Variants in YJU2 observed in about 807,000 individuals in gnomAD.
YJU2 encodes the protein YJU2 splicing factor homolog, also known as splicing factor YJU2.
YJU2 carries 28 observed loss-of-function variants against 39.6 expected under a neutral mutation model. The observed-to-expected ratio is 0.71, with a 90% CI of 0.52 to 0.97. YJU2 has a LOEUF of 0.97. Ranked by LOEUF, YJU2 falls within the 50% of genes least tolerant of loss-of-function variation. YJU2 has a pLI of 0.00. For synonymous variants in YJU2, 184 were observed against 182.4 expected, an observed-to-expected ratio of 1.01 and a Z score of -0.07; for missense variants, 328 against 430.4, an observed-to-expected ratio of 0.76 and a Z score of 2.11.
chr19:4,254,036 C>G (rs1323339747), intron 3 of YJU2, among the ~76,000 whole-genome samples: 3 of 152,122 alleles, frequency 2.0e-5, no homozygotes, highest in Admixed American at 6.6e-5. Context: ...TCTTGAATAC[C>G]TGACCTCCAG....
At chr19:4,258,195 G>A (rs1293456909) in intron 4 of YJU2, 47 bp from the exon 5 acceptor site, 40 of 1,539,506 alleles carry the variant, frequency 2.6e-5, no homozygotes, top group Middle Eastern at 1.8e-4. Flanking sequence ...GGTTTGCCCC[G>A]TGGTGCGATC....
chr19:4,251,886 C>T (rs1289234698), intron 3 of YJU2, among the ~76,000 whole-genome samples: 1 of 151,802 alleles, frequency 6.6e-6, no homozygotes, highest in African/African-American at 2.4e-5. Flanking sequence ...ACTTGGGAGA[C>T]CAAAGCAGGA....
At chr19:4,250,834 G>A (rs1970970152) in intron 2 of YJU2, among the ~76,000 whole-genome samples, 193 bp from the exon 3 acceptor site, 1 of 152,150 alleles carries the variant, frequency 6.6e-6, no homozygotes. Flanking sequence ...GCCCCAGGAA[G>A]ATATGAATGA....
intron 5 of YJU2, among the ~76,000 whole-genome samples, 183 bp from the exon 6 acceptor site, chr19:4,261,811 G>C (rs1017098683): frequency 1.3e-5 from 2 of 151,866 alleles, no homozygotes; most frequent in Non-Finnish European, 2.9e-5. Context: ...CTGAGTGACA[G>C]AGTGAGACCT....
intron 4 of YJU2, among the ~76,000 whole-genome samples, chr19:4,255,593 G>A (rs1971013003): frequency 6.6e-6 from 1 of 151,984 alleles, no homozygotes; most frequent in African/African-American, 2.4e-5. Flanking sequence ...GCCGGGCATG[G>A]TGGCAGACAC....
At chr19:4,264,632 G>A (rs994988012) in intron 6 of YJU2, among the ~76,000 whole-genome samples, 2 of 151,692 alleles carry the variant, frequency 1.3e-5, no homozygotes, top group East Asian at 1.9e-4. Context: ...GATTACAGGC[G>A]CCTGCCACCA....
chr19:4,261,968 C>A lies in YJU2; in HGVS notation c.588-26C>A. Reference sequence around the variant, plus strand: ...GCACTGTTCCCCAAACAGAGCACGTCCAAGTTCCCATCTTCCATCCCACAG... The same window carrying A: ...GCACTGTTCCCCAAACAGAGCACGTACAAGTTCCCATCTTCCATCCCACAG... On this transcript the variant is annotated intron_variant, in intron 5 of 7. Coordinates refer to ENST00000262962, the MANE Select transcript of YJU2 (RefSeq NM_018074.6). 1.9e-6 allele frequency: 3 copies of A among 1,610,564 alleles called. No homozygotes were observed. In the South Asian group the frequency reaches 3.3e-5, roughly 18 times the overall value.
At chr19:4,267,804 G>A (rs755260226) in intron 7 of YJU2, 30 bp downstream of exon 7, 155 of 1,591,884 alleles carry the variant, frequency 9.7e-5, no homozygotes, top group Middle Eastern at 1.7e-4. Context: ...AGAGCCGGGC[G>A]CGGTTTCTAT....
chr19:4,247,238 G>A (rs1345290661), intron 1 of YJU2, 68 bp downstream of exon 1: 13 of 1,406,994 alleles, frequency 9.2e-6, no homozygotes, highest in African/African-American at 7.2e-5. Context: ...AGAGGGAGGA[G>A]CTTCCTGAGA....
chr19:4,258,595 C>T (rs1971043386), intron 5 of YJU2, among the ~76,000 whole-genome samples, 172 bp downstream of exon 5: 1 of 152,258 alleles, frequency 6.6e-6, no homozygotes, highest in Non-Finnish European at 1.5e-5. Context: ...GGTCCCAGGC[C>T]ACTGCCGGGC....
At chr19:4,259,549 G>GT (rs960426187) in intron 5 of YJU2, among the ~76,000 whole-genome samples, 7 of 152,018 alleles carry the variant, frequency 4.6e-5, no homozygotes, top group Non-Finnish European at 8.8e-5. Flanking sequence ...CCAGCTAATT[G>GT]TTTTTATTTC....
At chr19:4,258,050 C>T (rs1334656283) in intron 4 of YJU2, among the ~76,000 whole-genome samples, 192 bp from the exon 5 acceptor site, 1 of 152,228 alleles carries the variant, frequency 6.6e-6, no homozygotes, top group Non-Finnish European at 1.5e-5. Flanking sequence ...GGTCACTTTC[C>T]CTCCCCAGAC....
chr19:4,266,791 G>C (rs747316149), intron 6 of YJU2, among the ~76,000 whole-genome samples: 6 of 152,066 alleles, frequency 3.9e-5, no homozygotes, highest in Non-Finnish European at 7.4e-5. Flanking sequence ...GACCAGCCTG[G>C]GCAACATAGC....
At chr19:4,257,304 T>C (rs1971029436) in intron 4 of YJU2, among the ~76,000 whole-genome samples, 1 of 152,074 alleles carries the variant, frequency 6.6e-6, no homozygotes, top group African/African-American at 2.4e-5. Flanking sequence ...CTTAATATTA[T>C]TATTTTTGAG....
intron 4 of YJU2, among the ~76,000 whole-genome samples, chr19:4,256,169 C>CAAAAAAA (rs368146793): frequency 2.0e-4 from 24 of 117,806 alleles, no homozygotes; most frequent in African/African-American, 7.8e-4. Context: ...AAGACTGTCG[C>CAAAAAAA]AAAAAAAAAA....
intron 6 of YJU2, among the ~76,000 whole-genome samples, chr19:4,263,511 A>G (rs1431623572): frequency 1.3e-5 from 2 of 152,164 alleles, no homozygotes; most frequent in African/African-American, 4.8e-5. Flanking sequence ...TGTGCTGCCA[A>G]CTAGAACGAA....
At chr19:4,263,748 T>G (rs1971091019) in intron 6 of YJU2, among the ~76,000 whole-genome samples, 1 of 149,384 alleles carries the variant, frequency 6.7e-6, no homozygotes, top group African/African-American at 2.5e-5. Context: ...AGGCAGAGGT[T>G]GCAGTGAGCT....
intron 3 of YJU2, 66 bp from the exon 4 acceptor site, chr19:4,254,289 G>A (rs1971000705): frequency 8.5e-7 from 1 of 1,171,592 alleles, no homozygotes; most frequent in Non-Finnish European, 1.3e-6. Context: ...TGATCTGCTG[G>A]TGGTACTTTA....
At position 4,247,645 on chromosome 19, in the gene YJU2, GTGT is replaced by G. The variant is rs1970939535; in HGVS notation, c.24+476_24+478del. Reference sequence around the variant, plus strand: ...TGTGTGTGTGTGTGTGTGTGTGTGTGTGTGTGTGTGTGTGTGTGTGTGTGTGTG... The same window carrying G: ...TGTGTGTGTGTGTGTGTGTGTGTGTGGTGTGTGTGTGTGTGTGTGTGTGTG... On this transcript the variant is annotated intron_variant, in intron 1 of 7. Transcript: ENST00000262962. 5.2e-4 allele frequency among the ~76,000 whole-genome samples: 35 copies of G among 67,680 alleles called. 1 individual carries two copies. Among genetic ancestry groups the G allele is most frequent in the East Asian group, 2.6e-3 (5 of 1,914 alleles). 44.4% of individuals were successfully genotyped at this position (67,680 alleles called of 152,430 possible).
Sources: allele counts gnomAD v4.1 joint callset (sites outside exome capture counted in the v4.1 genomes callset), GRCh38; gene constraint gnomAD v4.1.1; transcripts MANE v1.5; gene names NCBI Gene and HGNC (gene_info 2026-07-23, HGNC 2026-07-21).